Variants in PTPRG observed in about 807,000 individuals in gnomAD.
The protein encoded by PTPRG is protein tyrosine phosphatase receptor type G, also known as receptor-type tyrosine-protein phosphatase gamma.
A neutral mutation model predicts 165.3 loss-of-function variants in PTPRG; 102 were observed. The observed-to-expected ratio is 0.62, with a 90% CI of 0.53 to 0.73. PTPRG has a LOEUF of 0.73. PTPRG is among the 30% of genes least tolerant of loss of function. The pLI, the probability that PTPRG is intolerant of heterozygous loss-of-function variation, is 0.00. For synonymous variants in PTPRG, 675 were observed against 669.5 expected, an observed-to-expected ratio of 1.01 and a Z score of -0.13; for missense variants, 1,866 against 1,861.4, an observed-to-expected ratio of 1.00 and a Z score of -0.05.
intron 5 of PTPRG, among the ~76,000 whole-genome samples, chr3:62,083,163 C>T (rs1323770705): frequency 6.6e-6 from 1 of 151,880 alleles, no homozygotes; most frequent in Non-Finnish European, 1.5e-5. Context: ...AACTTCTGTT[C>T]TCTACTGTCA....
intron 5 of PTPRG, among the ~76,000 whole-genome samples, chr3:62,100,898 G>A (rs948995196): frequency 2.6e-5 from 4 of 152,164 alleles, no homozygotes; most frequent in East Asian, 3.9e-4. Context: ...GTAGAACCAC[G>A]CTTCTTTTGT....
At chr3:61,778,501 G>A (rs1259505434) in intron 2 of PTPRG, among the ~76,000 whole-genome samples, 1 of 152,010 alleles carries the variant, frequency 6.6e-6, no homozygotes, top group African/African-American at 2.4e-5. Flanking sequence ...GTAGCTTCTG[G>A]TCCTCTTGTT....
intron 2 of PTPRG, among the ~76,000 whole-genome samples, chr3:61,911,674 A>G (rs928667429): frequency 6.6e-6 from 1 of 152,158 alleles, no homozygotes; most frequent in South Asian, 2.1e-4. Flanking sequence ...ATTGTTTTCA[A>G]TTTCATTATT....
chr3:62,271,313 C>A lies in PTPRG; in HGVS notation c.3010-70C>A. ...TGATCAGTGGTCATGTGTCCTGACACCCTTACATTATTTTTTTCCAGAATG... is the reference window on the plus strand; with the variant it reads ...TGATCAGTGGTCATGTGTCCTGACAACCTTACATTATTTTTTTCCAGAATG... On this transcript the variant is annotated intron_variant, in intron 20 of 29. Transcript: ENST00000474889. The surrounding 1 kb of genome is among the most constrained non-coding windows in gnomAD (Gnocchi z 4.1). The A allele has an allele frequency of 7.4e-7, 1 of 1,343,142 alleles. No individual in the cohort carries two copies. The highest frequency in any genetic ancestry group is 1.9e-4 in the Middle Eastern group (1 of 5,348). 83.2% of individuals were successfully genotyped at this position (1,343,142 alleles called of 1,614,324 possible).
intron 5 of PTPRG, among the ~76,000 whole-genome samples, chr3:62,106,382 G>T (rs1038319776): frequency 1.3e-5 from 2 of 152,186 alleles, no homozygotes; most frequent in Non-Finnish European, 2.9e-5. Flanking sequence ...AGTGAGATCA[G>T]AGTGCGGGAT....
rs1700148623 is a variant in PTPRG at position 62,203,593 on chromosome 3, G to C, written c.1798G>C (p.Glu600Gln). Residue 600 changes from glutamate (E) to glutamine (Q), a missense_variant, in exon 12 of 30, where the codon GAG (glutamate) becomes CAG (glutamine). Physicochemically the swap from Glu to Gln is conservative, Grantham distance 29. Coordinates refer to ENST00000474889, the MANE Select transcript of PTPRG (RefSeq NM_002841.4). This position sits in a 1 kb window ranked among gnomAD's most constrained non-coding sequence, Gnocchi z 6.4. ...GGAGCGGGAGCACGAGGAGGATGGA[G>C]AGAAGGACTCCGAAAAGAAGGAGAA... is the stretch of plus-strand genomic sequence containing the variant. ...DGEREHEEDG[E>Q]KDSEKKEKSG... 6.4e-7 allele frequency: 1 copy of C among 1,552,730 alleles called. No individual in the cohort carries two copies. Among genetic ancestry groups the C allele is most frequent in the African/African-American group, 1.4e-5 (1 of 73,250 alleles).
At chr3:61,613,730 G>GT (rs1326366303) in intron 1 of PTPRG, among the ~76,000 whole-genome samples, 1 of 151,814 alleles carries the variant, frequency 6.6e-6, no homozygotes, top group African/African-American at 2.4e-5. Flanking sequence ...CCATTATTAG[G>GT]TTACTGAAGA....
chr3:61,906,307 T>A (rs893316228), intron 2 of PTPRG, among the ~76,000 whole-genome samples: 1 of 151,292 alleles, frequency 6.6e-6, no homozygotes, highest in Non-Finnish European at 1.5e-5. Flanking sequence ...AAAAAAAAAA[T>A]TAGCCGGGTG....
rs530373246 is a variant in PTPRG at position 62,018,961 on chromosome 3, T to C, written c.519+15464T>C. ...AATAGAGTGCAAGAGTGGGTCTTGA[T>C]GTTTTTGAAGGGATCCTCTTAGAAG... On this transcript the variant is annotated intron_variant, in intron 4 of 29. Transcript: ENST00000474889. 2.6e-5 allele frequency among the ~76,000 whole-genome samples: 4 copies of C among 152,280 alleles called. No homozygotes were observed. The East Asian group carries it at 7.7e-4, about 29-fold the overall frequency.
At chr3:62,129,825 G>A (rs181133211) in intron 5 of PTPRG, among the ~76,000 whole-genome samples, 1 of 152,278 alleles carries the variant, frequency 6.6e-6, no homozygotes, top group African/African-American at 2.4e-5. Context: ...CATTGCCATG[G>A]TAGAGAAGGG....
chr3:61,726,859 A>G (rs890590199), intron 1 of PTPRG, among the ~76,000 whole-genome samples: 2 of 152,154 alleles, frequency 1.3e-5, no homozygotes, highest in African/African-American at 4.8e-5. Flanking sequence ...CATCCTGGCT[A>G]ACGCAGTGAA....
intron 2 of PTPRG, among the ~76,000 whole-genome samples, chr3:61,942,785 A>C (rs2039665469): frequency 6.6e-6 from 1 of 152,236 alleles, no homozygotes; most frequent in Non-Finnish European, 1.5e-5. Context: ...TCTCTATTAA[A>C]TGTCTTTTTT....
intron 1 of PTPRG, among the ~76,000 whole-genome samples, chr3:61,597,398 G>A (rs1277805633): frequency 6.6e-6 from 1 of 152,162 alleles, no homozygotes; most frequent in East Asian, 1.9e-4. Context: ...TTGATCTGCT[G>A]TTGACTGAAT....
intron 1 of PTPRG, among the ~76,000 whole-genome samples, chr3:61,609,833 G>A (rs1701118564): frequency 1.3e-5 from 2 of 152,010 alleles, no homozygotes; most frequent in South Asian, 4.2e-4. Flanking sequence ...AACAGAGTGA[G>A]ATCCTATCTC....
intron 2 of PTPRG, among the ~76,000 whole-genome samples, chr3:61,844,425 A>G (rs2036745627): frequency 6.6e-6 from 1 of 152,200 alleles, no homozygotes; most frequent in African/African-American, 2.4e-5. Flanking sequence ...AATCCCATTC[A>G]ATATTTGTGA....
At chr3:61,709,677 C>G (rs1005136140) in intron 1 of PTPRG, among the ~76,000 whole-genome samples, 1 of 152,132 alleles carries the variant, frequency 6.6e-6, no homozygotes, top group African/African-American at 2.4e-5. Context: ...TACTTCTTGC[C>G]TAAGATACTT....
intron 1 of PTPRG, among the ~76,000 whole-genome samples, chr3:61,643,499 G>T (rs1224290474): frequency 6.6e-6 from 1 of 152,160 alleles, no homozygotes. Flanking sequence ...GCACCTATTG[G>T]CTGGGCGCGG....
At chr3:61,831,650 G>A (rs6780044) in intron 2 of PTPRG, among the ~76,000 whole-genome samples, 36,480 of 151,924 alleles carry the variant, frequency 0.24, 4,517 homozygotes, top group East Asian at 0.29. Flanking sequence ...TCACATTGAT[G>A]ACTTAGGAAT....
intron 2 of PTPRG, among the ~76,000 whole-genome samples, chr3:61,932,960 C>T (rs2039397194): frequency 6.6e-6 from 1 of 152,206 alleles, no homozygotes; most frequent in South Asian, 2.1e-4. Flanking sequence ...CCACTTGCTA[C>T]TTCACTTTTA....
Sources: gnomAD v4.1 joint callset for allele counts (sites outside exome capture counted in the v4.1 genomes callset) on GRCh38, gnomAD v4.1.1 for gene constraint, Gnocchi (gnomAD v3.1) non-coding constraint, MANE v1.5 for transcripts, NCBI Gene and HGNC (gene_info 2026-07-23, HGNC 2026-07-21) for gene names.